The following NEGR1 variants were observed in gnomAD, a reference collection of about 807,000 sequenced individuals.
NEGR1 encodes the protein neuronal growth regulator 1.
A neutral mutation model predicts 40.9 loss-of-function variants in NEGR1; 10 were observed. The observed-to-expected ratio is 0.24, with a 90% CI of 0.15 to 0.42. The LOEUF is 0.42. NEGR1 is among the 10% of genes least tolerant of loss of function. The pLI is 1.00. For synonymous variants in NEGR1, 185 were observed against 166.8 expected, an observed-to-expected ratio of 1.11 and a Z score of -0.84; for missense variants, 352 against 438.9, an observed-to-expected ratio of 0.80 and a Z score of 1.77.
chr1:72,187,402 A>C (rs1324434962), intron 1 of NEGR1, among the ~76,000 whole-genome samples: 1 of 151,514 alleles, frequency 6.6e-6, no homozygotes, highest in Non-Finnish European at 1.5e-5. Flanking sequence ...TTAAATGTTT[A>C]ATCTCAATTC....
intron 3 of NEGR1, among the ~76,000 whole-genome samples, chr1:71,721,456 T>A (rs983752048): frequency 4.0e-5 from 6 of 150,254 alleles, no homozygotes; most frequent in African/African-American, 1.5e-4. Context: ...TCATCCAAGG[T>A]CCCTGTTCTC....
chr1:72,106,948 C>A (rs1438853314), intron 1 of NEGR1, among the ~76,000 whole-genome samples: 1 of 151,794 alleles, frequency 6.6e-6, no homozygotes, highest in Non-Finnish European at 1.5e-5. Context: ...CTACTTAATA[C>A]AAATCCAAGA....
At chr1:72,129,402 A>G (rs973414715) in intron 1 of NEGR1, among the ~76,000 whole-genome samples, 5 of 152,208 alleles carry the variant, frequency 3.3e-5, no homozygotes, top group African/African-American at 9.6e-5. Flanking sequence ...AAGAAACTAC[A>G]TCTAGTTAAT....
chr1:71,868,464 T>A (rs868636630), intron 2 of NEGR1, among the ~76,000 whole-genome samples: 1 of 81,610 alleles, frequency 1.2e-5, no homozygotes, highest in Admixed American at 1.1e-4. Flanking sequence ...GATAGATAGA[T>A]AGACAGAATA....
At chr1:72,040,206 C>A (rs1052894345) in intron 1 of NEGR1, among the ~76,000 whole-genome samples, 1 of 151,866 alleles carries the variant, frequency 6.6e-6, no homozygotes, top group African/African-American at 2.4e-5. Context: ...AAAGCTTTGT[C>A]ATAGTCTTCC....
chr1:71,440,304 T>G (rs1388040105), intron 6 of NEGR1, among the ~76,000 whole-genome samples: 3 of 152,218 alleles, frequency 2.0e-5, no homozygotes, highest in Non-Finnish European at 4.4e-5. Context: ...GAGCATTGAT[T>G]CAATTTACTT....
chr1:71,659,780 C>T (rs1200666620), intron 4 of NEGR1, among the ~76,000 whole-genome samples: 1 of 152,114 alleles, frequency 6.6e-6, no homozygotes, highest in Non-Finnish European at 1.5e-5. Flanking sequence ...AATGAGATGC[C>T]ATCTCAAACC....
chr1:72,267,035 T>C lies in NEGR1; in HGVS notation c.176+15284A>G, dbSNP rs563892608. Among the ~76,000 whole-genome samples, 135 of 151,186 alleles carry C rather than the reference T, an allele frequency of 8.9e-4. 1 individual carries two copies. Among genetic ancestry groups the C allele is most frequent in the Admixed American group, 1.4e-3 (21 of 15,124 alleles). On this transcript the variant is annotated intron_variant, in intron 1 of 6. Transcript: ENST00000357731. ...TCCTTATAATATCGATGAAGGTTTA[T>C]TGTTAATATTTCTAAAAATCTTACT... is the stretch of plus-strand genomic sequence containing the variant.
chr1:71,786,978 G>A (rs948622447), intron 2 of NEGR1, among the ~76,000 whole-genome samples: 12 of 152,220 alleles, frequency 7.9e-5, no homozygotes, highest in African/African-American at 2.9e-4. Flanking sequence ...GAGAGAACAT[G>A]TGGAGGCACC....
At chr1:72,015,805 C>A (rs1646704767) in intron 1 of NEGR1, among the ~76,000 whole-genome samples, 1 of 152,132 alleles carries the variant, frequency 6.6e-6, no homozygotes, top group Non-Finnish European at 1.5e-5. Flanking sequence ...GGGTCTAAAA[C>A]CCCTCATGGC....
At chr1:71,569,236 C>T (rs1042783829) in intron 6 of NEGR1, among the ~76,000 whole-genome samples, 1 of 151,928 alleles carries the variant, frequency 6.6e-6, no homozygotes, top group African/African-American at 2.4e-5. Flanking sequence ...CTTTTTAAGC[C>T]TATAGAAACC....
At chr1:72,086,165 T>C (rs1184987339) in intron 1 of NEGR1, among the ~76,000 whole-genome samples, 1 of 152,130 alleles carries the variant, frequency 6.6e-6, no homozygotes, top group Non-Finnish European at 1.5e-5. Context: ...TTCGATATTA[T>C]AATGAACATA....
chr1:72,178,408 C>T (rs1044240892), intron 1 of NEGR1, among the ~76,000 whole-genome samples: 3 of 151,686 alleles, frequency 2.0e-5, no homozygotes, highest in African/African-American at 4.8e-5. Context: ...TTCTTAGTGG[C>T]ACACTGTCAC....
chr1:71,645,976 C>T (rs1249442754), intron 4 of NEGR1, among the ~76,000 whole-genome samples: 1 of 151,726 alleles, frequency 6.6e-6, no homozygotes, highest in Non-Finnish European at 1.5e-5. Context: ...GAATTTTATC[C>T]TATCCTTCTA....
intron 1 of NEGR1, among the ~76,000 whole-genome samples, chr1:72,032,318 G>A (rs556907352): frequency 1.7e-4 from 26 of 152,266 alleles, no homozygotes; most frequent in African/African-American, 5.5e-4. Flanking sequence ...AGAGGGGCAG[G>A]AACCAAGAAG....
chr1:71,564,169 C>T (rs1180246317), intron 6 of NEGR1, among the ~76,000 whole-genome samples: 2 of 151,952 alleles, frequency 1.3e-5, no homozygotes, highest in Non-Finnish European at 2.9e-5. Flanking sequence ...ATCTGACTTT[C>T]GCAAGATCTC....
chr1:71,791,354 T>A (rs1452668274), intron 2 of NEGR1, among the ~76,000 whole-genome samples: 3 of 152,116 alleles, frequency 2.0e-5, no homozygotes, highest in Non-Finnish European at 4.4e-5. Context: ...TACTTACATG[T>A]ATTGAATCTA....
At chr1:72,199,489 A>T (rs1653125741) in intron 1 of NEGR1, among the ~76,000 whole-genome samples, 1 of 152,020 alleles carries the variant, frequency 6.6e-6, no homozygotes, top group Non-Finnish European at 1.5e-5. Context: ...GAGACACTTC[A>T]AATTCGCAGG....
At chr1:71,952,850 A>G (rs1194073288) in intron 1 of NEGR1, among the ~76,000 whole-genome samples, 1 of 151,292 alleles carries the variant, frequency 6.6e-6, no homozygotes, top group African/African-American at 2.4e-5. Flanking sequence ...TGCTAAATCT[A>G]CTCTGCCAGT....
Sources: gnomAD v4.1 joint callset for allele counts (sites outside exome capture counted in the v4.1 genomes callset) on GRCh38, gnomAD v4.1.1 for gene constraint, MANE v1.5 for transcripts, NCBI Gene and HGNC (gene_info 2026-07-23, HGNC 2026-07-21) for gene names.